Variants in OPCML observed in about 807,000 individuals in gnomAD.
The protein encoded by OPCML is opioid binding protein/cell adhesion molecule like, also known as opioid-binding protein/cell adhesion molecule.
In OPCML, 13 loss-of-function variants were observed where a neutral mutation model predicts 37.8. The observed-to-expected ratio is 0.34, with a 90% CI of 0.22 to 0.55. OPCML has a LOEUF of 0.55. Among genes scored for constraint, OPCML ranks in the 20% least tolerant of loss-of-function variants. The probability of loss-of-function intolerance (pLI) is 0.91; values close to 1 mark genes in which losing one functional copy is unlikely to be tolerated. For synonymous variants in OPCML, 176 were observed against 168.8 expected (o/e 1.04, Z -0.33); for missense variants, 341 against 435.6 (o/e 0.78, Z 1.93).
At chr11:132,985,757 A>G (rs1247015249) in intron 1 of OPCML, among the ~76,000 whole-genome samples, 2 of 152,132 alleles carry the variant, frequency 1.3e-5, no homozygotes, top group Admixed American at 1.3e-4. Flanking sequence ...TCCATCTTAC[A>G]ATTCGGCCTA....
At chr11:133,226,990 C>G (rs1003405153) in intron 1 of OPCML, among the ~76,000 whole-genome samples, 2 of 152,186 alleles carry the variant, frequency 1.3e-5, no homozygotes, top group Admixed American at 1.3e-4. Context: ...TTCATCAATT[C>G]CAGTTAAATT....
At chr11:132,533,874 T>A (rs2096333103) in intron 3 of OPCML, among the ~76,000 whole-genome samples, 1 of 152,188 alleles carries the variant, frequency 6.6e-6, no homozygotes, top group South Asian at 2.1e-4. Flanking sequence ...CCCAAGACAA[T>A]CTTGTTTATG....
chr11:132,518,011 A>C (rs1388426620), intron 4 of OPCML, among the ~76,000 whole-genome samples: 1 of 152,192 alleles, frequency 6.6e-6, no homozygotes, highest in African/African-American at 2.4e-5. Context: ...CTCTTACTTG[A>C]AACTCTTTTG....
chr11:133,276,389 C>G (rs1941995866), intron 1 of OPCML, among the ~76,000 whole-genome samples: 1 of 152,094 alleles, frequency 6.6e-6, no homozygotes, highest in Admixed American at 6.6e-5. Flanking sequence ...TCAGACTTCA[C>G]TCTCAGGAGT....
intron 1 of OPCML, among the ~76,000 whole-genome samples, chr11:133,233,798 T>A (rs544385931): frequency 6.6e-6 from 1 of 152,306 alleles, no homozygotes; most frequent in Admixed American, 6.5e-5. Context: ...CTGTCTTTTG[T>A]CAGCATCATC....
rs138642509 is a variant in OPCML at position 132,429,809 on chromosome 11, G to A, written c.916+6277C>T. On this transcript the variant is annotated intron_variant, in intron 7 of 7. Transcript: ENST00000524381. The stretch of plus-strand genomic sequence containing the variant: ...ACATATCTGCATTTTTAAAGCATCC[G>A]GAATAAGGCTAATGCAGGCCAACAA... 1.6e-3 allele frequency among the ~76,000 whole-genome samples: 236 copies of A among 152,228 alleles called. 1 individual carries two copies. The highest frequency in any genetic ancestry group is 5.3e-3 in the African/African-American group (219 of 41,532).
chr11:133,414,151 A>T (rs1317293075), intron 1 of OPCML, among the ~76,000 whole-genome samples: 1 of 152,168 alleles, frequency 6.6e-6, no homozygotes, highest in Admixed American at 6.5e-5. Context: ...TGCTCTGGGC[A>T]TGGGCGCTGG....
intron 2 of OPCML, among the ~76,000 whole-genome samples, chr11:132,719,589 C>T (rs1228613994): frequency 6.6e-6 from 1 of 152,162 alleles, no homozygotes; most frequent in Admixed American, 6.5e-5. Context: ...AGAAGGGGTG[C>T]ATTTTCAGCC....
intron 4 of OPCML, among the ~76,000 whole-genome samples, chr11:132,495,014 AC>A (rs1417317996): frequency 1.5e-5 from 2 of 133,482 alleles, no homozygotes; most frequent in African/African-American, 2.9e-5. Context: ...ATTGTGGATG[AC>A]TTTTTTTTTT....
At chr11:133,108,292 T>G (rs927136560) in intron 1 of OPCML, among the ~76,000 whole-genome samples, 3 of 152,282 alleles carry the variant, frequency 2.0e-5, no homozygotes, top group African/African-American at 4.8e-5. Context: ...TAGAAGGGTG[T>G]TGTTGTTCTT....
At chr11:133,509,289 C>G (rs569609121) in intron 1 of OPCML, among the ~76,000 whole-genome samples, 1 of 152,274 alleles carries the variant, frequency 6.6e-6, no homozygotes, top group Non-Finnish European at 1.5e-5. Flanking sequence ...TCTCATTATT[C>G]AGCTTCCACT....
chr11:133,055,664 A>G (rs113394485), intron 1 of OPCML, among the ~76,000 whole-genome samples: 818 of 68,302 alleles, frequency 0.012, no homozygotes, highest in Middle Eastern at 0.097. Flanking sequence ...CGCCTCTACC[A>G]TACAATGCTG....
At chr11:133,316,852 A>T (rs1414269441) in intron 1 of OPCML, among the ~76,000 whole-genome samples, 2 of 152,220 alleles carry the variant, frequency 1.3e-5, no homozygotes, top group Non-Finnish European at 2.9e-5. Context: ...TCAGTGTTTA[A>T]TGGCTATTTT....
intron 4 of OPCML, among the ~76,000 whole-genome samples, chr11:132,501,698 G>C (rs538775365): frequency 6.6e-6 from 1 of 152,170 alleles, no homozygotes; most frequent in African/African-American, 2.4e-5. Flanking sequence ...ATTATCAAGG[G>C]CTGATTTTCT....
chr11:133,051,100 T>A (rs1948123347), intron 1 of OPCML, among the ~76,000 whole-genome samples: 1 of 151,756 alleles, frequency 6.6e-6, no homozygotes, highest in Admixed American at 6.6e-5. Flanking sequence ...TCAAAGCTTA[T>A]GCCCTCTGAA....
At chr11:133,226,228 C>T (rs1215451842) in intron 1 of OPCML, among the ~76,000 whole-genome samples, 1 of 152,288 alleles carries the variant, frequency 6.6e-6, no homozygotes, top group Non-Finnish European at 1.5e-5. Flanking sequence ...CCCCCTCCTG[C>T]CCCTTGGCAG....
chr11:132,877,994 A>G (rs1306354433), intron 2 of OPCML, among the ~76,000 whole-genome samples: 1 of 152,188 alleles, frequency 6.6e-6, no homozygotes, highest in Non-Finnish European at 1.5e-5. Flanking sequence ...CATCCTGGCT[A>G]ACATGGTGAA....
At chr11:133,020,751 T>G (rs1947435377) in intron 1 of OPCML, among the ~76,000 whole-genome samples, 1 of 152,208 alleles carries the variant, frequency 6.6e-6, no homozygotes, top group South Asian at 2.1e-4. Flanking sequence ...AAGACCAATT[T>G]CATGTTCAAA....
chr11:132,546,811 T>G (rs1466592187), intron 3 of OPCML, among the ~76,000 whole-genome samples: 1 of 152,142 alleles, frequency 6.6e-6, no homozygotes, highest in African/African-American at 2.4e-5. Context: ...CCGGGGGTGG[T>G]GGCAGGTGGA....
Sources: allele counts gnomAD v4.1 joint callset (sites outside exome capture counted in the v4.1 genomes callset), GRCh38; gene constraint gnomAD v4.1.1; transcripts MANE v1.5; gene names NCBI Gene and HGNC (gene_info 2026-07-23, HGNC 2026-07-21).